POLD3: variants seen among roughly 807,000 people sequenced by gnomAD.
POLD3 encodes DNA polymerase delta subunit 3.
POLD3 carries 19 observed loss-of-function variants against 58.2 expected under a neutral mutation model. The observed-to-expected ratio is 0.33, with a 90% CI of 0.23 to 0.48. The LOEUF (loss-of-function observed/expected upper bound fraction) is 0.48. POLD3 is among the 20% of genes least tolerant of loss of function. POLD3 has a pLI of 0.99. For missense variants in POLD3, 504 were observed against 545.5 expected, an observed-to-expected ratio of 0.92 and a Z score of 0.76; for synonymous variants, 172 against 193.5, an observed-to-expected ratio of 0.89 and a Z score of 0.92.
downstream of POLD3, among the ~76,000 whole-genome samples, chr11:74,647,043 A>G (rs1035068200): frequency 1.3e-5 from 2 of 152,208 alleles, no homozygotes; most frequent in East Asian, 1.9e-4. Context: ...GGAGTACACA[A>G]CCTAGATCCT....
At chr11:74,631,749 T>C (rs1025646682) in intron 9 of POLD3, among the ~76,000 whole-genome samples, 12 of 152,168 alleles carry the variant, frequency 7.9e-5, no homozygotes, top group Admixed American at 7.9e-4. Flanking sequence ...CTCAAAGTGC[T>C]GGAATTACAG....
chr11:74,595,693 T>G (rs1039297078), intron 2 of POLD3, among the ~76,000 whole-genome samples: 1 of 152,216 alleles, frequency 6.6e-6, no homozygotes, highest in African/African-American at 2.4e-5. Flanking sequence ...CTCAGCCCAC[T>G]GCAGCCTTGA....
At chr11:74,653,606 C>G (rs1015390634) in intron 4 of POLD3, among the ~76,000 whole-genome samples, 6 of 151,590 alleles carry the variant, frequency 4.0e-5, no homozygotes, top group African/African-American at 1.5e-4. Flanking sequence ...ACTAAAATTA[C>G]CAATGAATGT....
chr11:74,659,885 A>G (rs2033183797), intron 4 of POLD3, among the ~76,000 whole-genome samples: 2 of 152,188 alleles, frequency 1.3e-5, no homozygotes, highest in South Asian at 4.1e-4. Flanking sequence ...AAACTGTTCT[A>G]ACCTCTGCCG....
chr11:74,648,623 G>A (rs945954622), intron 4 of POLD3, among the ~76,000 whole-genome samples: 22 of 152,178 alleles, frequency 1.4e-4, no homozygotes, highest in African/African-American at 5.3e-4. Flanking sequence ...AGAAAGCACA[G>A]ACTGTTTAGA....
At chr11:74,639,702 C>CGGG (rs2032858174) in intron 11 of POLD3, among the ~76,000 whole-genome samples, 1 of 152,200 alleles carries the variant, frequency 6.6e-6, no homozygotes, top group Non-Finnish European at 1.5e-5. Context: ...GTGCCTGTGT[C>CGGG]CTTTGGGGCT....
At chr11:74,618,222 T>A (rs1007092696) in intron 5 of POLD3, among the ~76,000 whole-genome samples, 2 of 55,912 alleles carry the variant, frequency 3.6e-5, no homozygotes, top group African/African-American at 2.6e-4. Context: ...TGAATTAGAA[T>A]ACTTTTATCA....
downstream of POLD3, among the ~76,000 whole-genome samples, chr11:74,647,205 A>G (rs2033009962): frequency 6.6e-6 from 1 of 152,214 alleles, no homozygotes; most frequent in Non-Finnish European, 1.5e-5. Context: ...GCCACAGACC[A>G]GAACCAGTCC....
chr11:74,666,576 G>GAA (rs1481530209), intron 4 of POLD3, among the ~76,000 whole-genome samples: 1 of 151,976 alleles, frequency 6.6e-6, no homozygotes, highest in Non-Finnish European at 1.5e-5. Flanking sequence ...GAGAGAGAAA[G>GAA]AGGACCTAAA....
At chr11:74,613,034 G>A (rs1455499621) in intron 5 of POLD3, 24 bp downstream of exon 5, 2 of 1,594,956 alleles carry the variant, frequency 1.3e-6, no homozygotes, top group African/African-American at 2.7e-5. Context: ...TGTTCCTTGT[G>A]GGCTTCTTTA....
intron 4 of POLD3, among the ~76,000 whole-genome samples, chr11:74,650,984 A>G (rs2033061983): frequency 6.6e-6 from 1 of 152,208 alleles, no homozygotes; most frequent in African/African-American, 2.4e-5. Flanking sequence ...TGTAGTGGAA[A>G]GAGCCCTGCA....
chr11:74,631,477 CTTTTTTTTTT>C (rs1158260012), intron 9 of POLD3, among the ~76,000 whole-genome samples: 3 of 110,296 alleles, frequency 2.7e-5, no homozygotes, highest in Non-Finnish European at 3.6e-5. Flanking sequence ...TTTGTCTTGT[CTTTTTTTTTT>C]TTTTTTTTTT....
At chr11:74,638,496 C>A in intron 11 of POLD3, 1 of 391,988 alleles carries the variant, frequency 2.6e-6, no homozygotes, top group Non-Finnish European at 5.1e-6. Flanking sequence ...AAGTCTTATA[C>A]CACCAACTAG....
downstream of POLD3, among the ~76,000 whole-genome samples, chr11:74,646,175 G>A (rs948057284): frequency 2.4e-4 from 37 of 152,112 alleles, no homozygotes; most frequent in East Asian, 1.3e-3. Flanking sequence ...GTTTCACCAC[G>A]TTGGCCAGGC....
At chr11:74,637,779 A>G (rs1272143220) in intron 11 of POLD3, among the ~76,000 whole-genome samples, 1 of 149,718 alleles carries the variant, frequency 6.7e-6, no homozygotes, top group Non-Finnish European at 1.5e-5. Flanking sequence ...CCTTGGATGC[A>G]GCAGTGAAAA....
Position 74,641,501 on chromosome 11 carries a change from CT to C in POLD3, c.*736del. The stretch of plus-strand genomic sequence containing the variant: ...TGTGTTCAACTCCACCAGAAATTAC[CT>C]CGAGTCAGCATTGACGATATTGGAG... On this transcript the variant is annotated 3_prime_UTR_variant, in exon 12 of 12. Coordinates refer to ENST00000263681, the MANE Select transcript of POLD3 (RefSeq NM_006591.3). 1.0e-6 allele frequency: 1 copy of C among 985,432 alleles called. No individual in the cohort carries two copies. Among genetic ancestry groups the C allele is most frequent in the South Asian group, 4.7e-5 (1 of 21,278 alleles). The allele number at this position is 985,432 out of a possible 1,614,324, so 61.0% of individuals were successfully genotyped here.
chr11:74,600,215 A>T (rs1761388111), intron 2 of POLD3, among the ~76,000 whole-genome samples: 1 of 152,136 alleles, frequency 6.6e-6, no homozygotes, highest in Non-Finnish European at 1.5e-5. Context: ...ACATGCTGGG[A>T]TTACAGGCAT....
chr11:74,603,252 G>A (rs1238275170), intron 2 of POLD3, among the ~76,000 whole-genome samples: 4 of 152,186 alleles, frequency 2.6e-5, no homozygotes, highest in Admixed American at 2.6e-4. Flanking sequence ...AGGTGAGGTG[G>A]GGAGGAGAAG....
chr11:74,660,854 A>T (rs2033197680), intron 4 of POLD3, among the ~76,000 whole-genome samples: 1 of 151,978 alleles, frequency 6.6e-6, no homozygotes. Flanking sequence ...TAAATTACAT[A>T]GTCTCAGGTA....
Sources: allele counts gnomAD v4.1 joint callset (sites outside exome capture counted in the v4.1 genomes callset), GRCh38; gene constraint gnomAD v4.1.1; transcripts MANE v1.5; gene names NCBI Gene and HGNC (gene_info 2026-07-23, HGNC 2026-07-21).